GPATCH2: variants seen among roughly 807,000 people sequenced by gnomAD.
GPATCH2 encodes the protein G-patch domain containing 2.
A neutral mutation model predicts 58.0 loss-of-function variants in GPATCH2; 51 were observed. That is an observed-to-expected ratio of 0.88 (90% CI 0.70 to 1.11). GPATCH2 has a LOEUF of 1.11. Ranked by LOEUF, GPATCH2 falls within the 50% of genes most tolerant of loss-of-function variation. The pLI is 0.00. For synonymous variants in GPATCH2, 222 were observed against 218.5 expected (o/e 1.02, Z -0.14); for missense variants, 625 against 652.2 (o/e 0.96, Z 0.45).
chr1:217,443,398 T>C (rs1363331245), intron 9 of GPATCH2, among the ~76,000 whole-genome samples: 1 of 152,194 alleles, frequency 6.6e-6, no homozygotes, highest in Non-Finnish European at 1.5e-5. Context: ...TTAAGTTTGC[T>C]ACCGGTACAA....
chr1:217,504,260 T>C (rs530361015), intron 6 of GPATCH2, among the ~76,000 whole-genome samples: 3 of 152,200 alleles, frequency 2.0e-5, no homozygotes, highest in African/African-American at 7.2e-5. Context: ...GGCCTCTGTG[T>C]CCTAGGGTTT....
At chr1:217,575,213 T>C (rs1666750594) in intron 5 of GPATCH2, among the ~76,000 whole-genome samples, 1 of 152,220 alleles carries the variant, frequency 6.6e-6, no homozygotes, top group South Asian at 2.1e-4. Flanking sequence ...AGCTGACCTA[T>C]GGTTTACTGT....
chr1:217,549,407 G>A (rs1357136751), intron 5 of GPATCH2, among the ~76,000 whole-genome samples: 1 of 152,102 alleles, frequency 6.6e-6, no homozygotes, highest in Non-Finnish European at 1.5e-5. Context: ...GGCAAATACT[G>A]CTTTGCAATG....
At chr1:217,514,447 C>T (rs993851043) in intron 6 of GPATCH2, among the ~76,000 whole-genome samples, 4 of 152,208 alleles carry the variant, frequency 2.6e-5, no homozygotes, top group African/African-American at 9.7e-5. Context: ...GCATGAGCCA[C>T]CATGACTGGC....
chr1:217,596,726 G>A (rs752860746), intron 5 of GPATCH2, among the ~76,000 whole-genome samples: 8 of 151,870 alleles, frequency 5.3e-5, no homozygotes, highest in Non-Finnish European at 7.4e-5. Context: ...CCATTTTTTC[G>A]AAGTGTAAAA....
chr1:217,491,182 T>C (rs1379323123), intron 8 of GPATCH2, among the ~76,000 whole-genome samples: 1 of 152,228 alleles, frequency 6.6e-6, no homozygotes, highest in African/African-American at 2.4e-5. Flanking sequence ...TTTGAAAATA[T>C]ATTGTCTAAA....
chr1:217,589,354 C>T (rs2102763408), intron 5 of GPATCH2, among the ~76,000 whole-genome samples: 1 of 152,218 alleles, frequency 6.6e-6, no homozygotes, highest in East Asian at 1.9e-4. Flanking sequence ...ATGCCCTCCC[C>T]TCTGCCCAGA....
In GPATCH2 at chr1:217,428,348, AAATGAT is replaced by A. The variant is rs1282828565; in HGVS notation, c.*2791_*2796del. ...TCTTACTACCTTTTAGAGGAAATAT[AAATGAT>A]ACATTCTAAATCTTGGGGTTCTATG... is the stretch of plus-strand genomic sequence containing the variant. On this transcript the variant is annotated 3_prime_UTR_variant, in exon 10 of 10. Coordinates refer to ENST00000366935, the MANE Select transcript of GPATCH2 (RefSeq NM_018040.5). The A allele has an allele frequency of 1.3e-5, 2 of 152,248 alleles. No homozygotes were observed. The highest frequency in any genetic ancestry group is 2.9e-5 in the Non-Finnish European group (2 of 68,026). 9.4% of individuals were successfully genotyped at this position (152,248 alleles called of 1,614,324 possible).
At chr1:217,587,809 T>C (rs1426712206) in intron 5 of GPATCH2, among the ~76,000 whole-genome samples, 2 of 152,178 alleles carry the variant, frequency 1.3e-5, no homozygotes, top group African/African-American at 4.8e-5. Context: ...GTAGGACGAC[T>C]AAAATACATA....
intron 5 of GPATCH2, among the ~76,000 whole-genome samples, chr1:217,565,498 G>C (rs866786307): frequency 6.6e-6 from 1 of 152,056 alleles, no homozygotes; most frequent in Non-Finnish European, 1.5e-5. Context: ...GCAAAAACAG[G>C]CATGGACAAC....
intron 8 of GPATCH2, among the ~76,000 whole-genome samples, chr1:217,478,011 G>C (rs934535142): frequency 6.6e-6 from 1 of 152,148 alleles, no homozygotes; most frequent in Non-Finnish European, 1.5e-5. Context: ...ATCTCTGCCT[G>C]GTAATCCAGA....
rs193221095 is a variant in GPATCH2, at chr1:217,570,261, G to A, written c.1098+40060C>T. On this transcript the variant is annotated intron_variant, in intron 5 of 9. Transcript: ENST00000366935. ...TGAGTAGCTGGGACTAGAGGTGCAC[G>A]CCACCACGCCTGGCTAATTTTTTGT... Among the ~76,000 whole-genome samples, 163 of 152,112 alleles carry A rather than the reference G, an allele frequency of 1.1e-3. 2 individuals carry two copies. The highest frequency in any genetic ancestry group is 3.9e-3 in the African/African-American group (160 of 41,506).
chr1:217,557,998 A>T (rs1310919094), intron 5 of GPATCH2, among the ~76,000 whole-genome samples: 1 of 152,172 alleles, frequency 6.6e-6, no homozygotes, highest in African/African-American at 2.4e-5. Context: ...CAAACCATTA[A>T]TTTTTTTAAC....
At chr1:217,521,358 CAAAAAA>C (rs35333815) in intron 5 of GPATCH2, among the ~76,000 whole-genome samples, 27 of 101,168 alleles carry the variant, frequency 2.7e-4, no homozygotes, top group African/African-American at 1.2e-3. Context: ...AGGGAGACTG[CAAAAAA>C]AAAAAAAAAA....
intron 1 of GPATCH2, among the ~76,000 whole-genome samples, chr1:217,623,115 T>C (rs1297584717): frequency 6.6e-6 from 1 of 152,140 alleles, no homozygotes; most frequent in Non-Finnish European, 1.5e-5. Flanking sequence ...AACATTCACT[T>C]GAAAAAAATA....
At chr1:217,514,226 C>G (rs1388989236) in intron 6 of GPATCH2, among the ~76,000 whole-genome samples, 2 of 151,768 alleles carry the variant, frequency 1.3e-5, no homozygotes, top group Non-Finnish European at 2.9e-5. Context: ...GTGGCATGAT[C>G]TCAGCTCACT....
chr1:217,568,889 T>A (rs143847676), intron 5 of GPATCH2, among the ~76,000 whole-genome samples: 439 of 152,242 alleles, frequency 2.9e-3, no homozygotes, highest in Middle Eastern at 0.01. Flanking sequence ...AAGCCAATAG[T>A]TTTTGTAAAC....
At chr1:217,519,883 G>A (rs1292038562) in intron 5 of GPATCH2, among the ~76,000 whole-genome samples, 1 of 151,990 alleles carries the variant, frequency 6.6e-6, no homozygotes, top group African/African-American at 2.4e-5. Context: ...CTTTCAGTTG[G>A]GTGATTTTAG....
intron 7 of GPATCH2, among the ~76,000 whole-genome samples, chr1:217,497,258 A>G (rs1226862294): frequency 6.6e-6 from 1 of 152,166 alleles, no homozygotes; most frequent in Admixed American, 6.5e-5. Flanking sequence ...AGAAAGTCTA[A>G]TTTTTGTATT....
Sources: gnomAD v4.1 joint callset for allele counts (sites outside exome capture counted in the v4.1 genomes callset) on GRCh38, gnomAD v4.1.1 for gene constraint, MANE v1.5 for transcripts, NCBI Gene and HGNC (gene_info 2026-07-23, HGNC 2026-07-21) for gene names.